STK38L: variants seen among roughly 807,000 people sequenced by gnomAD.
STK38L encodes serine/threonine-protein kinase 38-like.
In STK38L, 28 loss-of-function variants were observed where a neutral mutation model predicts 59.7. The observed-to-expected ratio is 0.47, with a 90% CI of 0.35 to 0.64. The LOEUF is 0.64. STK38L is among the 30% of genes least tolerant of loss of function. STK38L has a pLI of 0.01. For synonymous variants in STK38L, 162 were observed against 176.8 expected, an observed-to-expected ratio of 0.92 and a Z score of 0.66; for missense variants, 314 against 555.8, an observed-to-expected ratio of 0.56 and a Z score of 4.37.
chr12:27,317,598 A>G (rs975963992), intron 10 of STK38L, 145 bp downstream of exon 10: 6 of 756,228 alleles, frequency 7.9e-6, no homozygotes, highest in Non-Finnish European at 1.3e-5. Context: ...ATACATACTG[A>G]TCAATACCAG....
rs752788531 is a variant in STK38L, at chr12:27,317,892, A to G, written c.956-4A>G. ...GAAACATTTTTGATTTATTTGATACATAGGATATCCACCTTTCTGCTCTGA... is the reference window on the plus strand; with the variant it reads ...GAAACATTTTTGATTTATTTGATACGTAGGATATCCACCTTTCTGCTCTGA... On this transcript the variant is annotated splice_region_variant and splice_polypyrimidine_tract_variant and intron_variant, in intron 10 of 13. Transcript: ENST00000389032. 3.1e-6 allele frequency: 5 copies of G among 1,613,158 alleles called. No homozygotes were observed. The highest frequency in any genetic ancestry group is 2.7e-5 in the African/African-American group (2 of 74,802).
At chr12:27,250,200 CATTGCTATTCTGCTTTTATGAATACGGTT>C (rs1034038991) in intron 1 of STK38L, among the ~76,000 whole-genome samples, 7 of 152,142 alleles carry the variant, frequency 4.6e-5, no homozygotes, top group East Asian at 1.9e-4. Context: ...CAAGTTCTCC[CATTGCTATTCTGCTTTTATGAATACGGTT>C]ATTGCTATTC....
At position 27,308,355 on chromosome 12, in the gene STK38L, C is replaced by T; in HGVS notation, c.203C>T (p.Ser68Leu). The change falls in exon 4 of 14, where the codon TCA (serine) becomes TTA (leucine). Residue 68 changes from serine to leucine, a missense_variant. Physicochemically the swap from Ser to Leu is moderately radical, Grantham distance 145. Coordinates refer to ENST00000389032, the MANE Select transcript of STK38L (RefSeq NM_015000.4). The surrounding 1 kb of genome is among the most constrained non-coding windows in gnomAD (Gnocchi z 4.5). ...TTTTAATAGAAAAAGTTACGTCGAT[C>T]ACAACACGCTCGCAAAGAAACAGAG... ...LADEEKKLRR[S>L]QHARKETEFL... 1 of 1,564,584 alleles carries T rather than the reference C, an allele frequency of 6.4e-7. No homozygotes were observed. Among genetic ancestry groups the T allele is most frequent in the Non-Finnish European group, 8.6e-7 (1 of 1,156,834 alleles).
At chr12:27,290,857 A>G (rs1943881157) in intron 1 of STK38L, among the ~76,000 whole-genome samples, 1 of 152,204 alleles carries the variant, frequency 6.6e-6, no homozygotes, top group East Asian at 1.9e-4. Context: ...CTGGATTTTC[A>G]TGTGAAACCT....
Position 27,297,961 on chromosome 12 carries a change from C to A in STK38L, c.134+107C>A, listed in dbSNP as rs186098513. 125 of 1,392,590 alleles carry A rather than the reference C, an allele frequency of 9.0e-5. No homozygotes were observed. In the South Asian group the frequency reaches 1.1e-3, roughly 13 times the overall value. 86.3% of individuals were successfully genotyped at this position (1,392,590 alleles called of 1,614,324 possible). A position where few individuals can be genotyped will look rare whatever the true frequency, so the allele number is the denominator to read the frequency against. On this transcript the variant is annotated intron_variant, in intron 2 of 13. Coordinates refer to ENST00000389032, the MANE Select transcript of STK38L (RefSeq NM_015000.4). ...ATGATATGAATATTATGGATCCCTGCATGCTGTTTTTGAGTTTCCTGTACT... is the reference window on the plus strand; with the variant it reads ...ATGATATGAATATTATGGATCCCTGAATGCTGTTTTTGAGTTTCCTGTACT...
intron 1 of STK38L, among the ~76,000 whole-genome samples, chr12:27,249,557 C>T (rs1329492077): frequency 2.0e-5 from 3 of 152,090 alleles, no homozygotes; most frequent in Non-Finnish European, 2.9e-5. Context: ...AGGCTGGTCT[C>T]GAACTCCCGA....
chr12:27,315,211 G>T (rs752284606), intron 8 of STK38L, 78 bp from the exon 9 acceptor site: 1 of 1,572,764 alleles, frequency 6.4e-7, no homozygotes. Context: ...AATCCACTGT[G>T]TTTTAGATGT....
In STK38L at chr12:27,319,353, A is replaced by C. The variant is rs974955187; in HGVS notation, c.1105A>C (p.Ile369Leu). 2 of 1,612,698 alleles carry C rather than the reference A, an allele frequency of 1.2e-6. No homozygotes were observed. Among genetic ancestry groups the C allele is most frequent in the African/African-American group, 2.7e-5 (2 of 74,918 alleles). ...LRFCIDSENR[I>L]GNSGVEEIKG... The stretch of plus-strand genomic sequence containing the variant: ...ATTTTGTATTGATTCTGAAAACAGA[A>C]TTGGAAATAGTGGAGTAGAAGAAAT... Residue 369 changes from isoleucine (I) to leucine (L), a missense_variant, in exon 12 of 14, where the codon ATT (isoleucine) becomes CTT (leucine). Coordinates refer to ENST00000389032, the MANE Select transcript of STK38L (RefSeq NM_015000.4).
chr12:27,275,399 A>C lies in STK38L; in HGVS notation c.-11-22311A>C, dbSNP rs375602752. ...ATTCTTGTTGCCCAGGCTGGAGTGC[A>C]ATGGTGTGGTCTCAGCTCACTGCAA... On this transcript the variant is annotated intron_variant, in intron 1 of 13. Transcript: ENST00000389032. Among the ~76,000 whole-genome samples, 4 of 144,074 alleles carry C rather than the reference A, an allele frequency of 2.8e-5. No individual in the cohort carries two copies. In the East Asian group the frequency reaches 8.0e-4, roughly 29 times the overall value. 94.5% of individuals were successfully genotyped at this position (144,074 alleles called of 152,430 possible). A position where few individuals can be genotyped will look rare whatever the true frequency, so the allele number is the denominator to read the frequency against.
intron 1 of STK38L, among the ~76,000 whole-genome samples, chr12:27,247,778 A>G (rs1591838095): frequency 6.7e-6 from 1 of 148,304 alleles, no homozygotes; most frequent in African/African-American, 2.5e-5. Context: ...TGCAGGAACT[A>G]TAGGCCTGAG....
At chr12:27,288,170 C>T (rs779811054) in intron 1 of STK38L, among the ~76,000 whole-genome samples, 11 of 152,148 alleles carry the variant, frequency 7.2e-5, no homozygotes, top group African/African-American at 9.7e-5. Flanking sequence ...TGAGCCACTG[C>T]GCCCAGCCAA....
At chr12:27,317,284 A>G (rs1191095154) in intron 9 of STK38L, 52 bp from the exon 10 acceptor site, 1 of 1,294,300 alleles carries the variant, frequency 7.7e-7, no homozygotes, top group Non-Finnish European at 1.1e-6. Flanking sequence ...ATCCTCAGAT[A>G]GATATTTTTT....
At chr12:27,310,293 G>A (rs1944424774) in intron 5 of STK38L, among the ~76,000 whole-genome samples, 1 of 151,944 alleles carries the variant, frequency 6.6e-6, no homozygotes, top group Non-Finnish European at 1.5e-5. Flanking sequence ...GATAATGATG[G>A]GAATATAGCA....
chr12:27,305,678 C>T (rs994921857), intron 3 of STK38L, among the ~76,000 whole-genome samples: 1 of 152,144 alleles, frequency 6.6e-6, no homozygotes, highest in Non-Finnish European at 1.5e-5. Context: ...GGCCACCCTA[C>T]AGATGGAGAG....
At position 27,308,040 on chromosome 12, in the gene STK38L, A is replaced by T. The variant is rs1944357708; in HGVS notation, c.187-299A>T. Among the ~76,000 whole-genome samples, 1 of 152,100 alleles carries T rather than the reference A, an allele frequency of 6.6e-6. No homozygotes were observed. Among genetic ancestry groups the T allele is most frequent in the Non-Finnish European group, 1.5e-5 (1 of 68,008 alleles). ...ATCAGAATACCATTAACATTTACTAACATTTAATTTTTATTTATGGAATTG... is the reference window on the plus strand; with the variant it reads ...ATCAGAATACCATTAACATTTACTATCATTTAATTTTTATTTATGGAATTG... On this transcript the variant is annotated intron_variant, in intron 3 of 13. Coordinates refer to ENST00000389032, the MANE Select transcript of STK38L (RefSeq NM_015000.4). This position sits in a 1 kb window ranked among gnomAD's most constrained non-coding sequence, Gnocchi z 4.5.
intron 1 of STK38L, among the ~76,000 whole-genome samples, chr12:27,265,481 T>C (rs541904363): frequency 5.3e-5 from 8 of 152,340 alleles, no homozygotes; most frequent in African/African-American, 1.9e-4. Flanking sequence ...ATTAATATAT[T>C]GTAATAAACT....
Position 27,259,641 on chromosome 12 carries a change from C to T in STK38L, c.-12+15309C>T, listed in dbSNP as rs78297948. Reference sequence around the variant, plus strand: ...AAAATAGAAGTGAAGGGTTTCTTTCCCCCCCTTTTTTTTCCTATCATGTAT... The same window carrying T: ...AAAATAGAAGTGAAGGGTTTCTTTCTCCCCCTTTTTTTTCCTATCATGTAT... On this transcript the variant is annotated intron_variant, in intron 1 of 13. Coordinates refer to ENST00000389032, the MANE Select transcript of STK38L (RefSeq NM_015000.4). 5.8e-3 allele frequency among the ~76,000 whole-genome samples: 889 copies of T among 152,050 alleles called. 3 individuals carry two copies. The highest frequency in any genetic ancestry group is 9.6e-3 in the Non-Finnish European group (654 of 67,966).
chr12:27,290,750 A>G (rs1040789236), intron 1 of STK38L, among the ~76,000 whole-genome samples: 1 of 152,168 alleles, frequency 6.6e-6, no homozygotes, highest in Non-Finnish European at 1.5e-5. Context: ...GGGATGTTGT[A>G]TTGTAAGGGG....
intron 1 of STK38L, among the ~76,000 whole-genome samples, chr12:27,262,798 G>T (rs534093596): frequency 2.7e-5 from 3 of 111,318 alleles, no homozygotes; most frequent in East Asian, 2.6e-4. Context: ...TAGACTCTGA[G>T]AATTTTTTTT....
Sources: allele counts gnomAD v4.1 joint callset (sites outside exome capture counted in the v4.1 genomes callset), GRCh38; gene constraint gnomAD v4.1.1; non-coding constraint Gnocchi (gnomAD v3.1); transcripts MANE v1.5; gene names NCBI Gene and HGNC (gene_info 2026-07-23, HGNC 2026-07-21).